Variants in ROBO1 observed in about 807,000 individuals in gnomAD.
The protein encoded by ROBO1 is roundabout homolog 1.
In ROBO1, 149 loss-of-function variants were observed where a neutral mutation model predicts 195.9. The observed-to-expected ratio is 0.76, with a 90% CI of 0.67 to 0.87. ROBO1 has a LOEUF of 0.87. ROBO1 is among the 40% of genes least tolerant of loss of function. The probability of loss-of-function intolerance (pLI) is 0.00; values close to 1 mark genes in which losing one functional copy is unlikely to be tolerated. For synonymous variants in ROBO1, 816 were observed against 733.2 expected (o/e 1.11, Z -1.82); for missense variants, 1,933 against 2,068.3 (o/e 0.93, Z 1.27).
intron 2 of ROBO1, among the ~76,000 whole-genome samples, chr3:79,165,402 C>A (rs994807477): frequency 1.3e-5 from 2 of 152,178 alleles, no homozygotes; most frequent in African/African-American, 4.8e-5. Flanking sequence ...GAATAATTTA[C>A]CTGTTTGAGA....
At chr3:79,756,542 C>A (rs1372853288) in intron 1 of ROBO1, among the ~76,000 whole-genome samples, 1 of 93,294 alleles carries the variant, frequency 1.1e-5, no homozygotes, top group Non-Finnish European at 2.0e-5. Flanking sequence ...ATGAGCGAAG[C>A]ACCATCTCAA....
chr3:78,957,864 ATT>A (rs1490999989), intron 3 of ROBO1, among the ~76,000 whole-genome samples: 1 of 152,168 alleles, frequency 6.6e-6, no homozygotes, highest in Admixed American at 6.5e-5. Context: ...ACATTTGATT[ATT>A]TTTAAGCATG....
At chr3:79,307,177 C>T (rs2033260778) in intron 2 of ROBO1, among the ~76,000 whole-genome samples, 1 of 151,998 alleles carries the variant, frequency 6.6e-6, no homozygotes, top group Non-Finnish European at 1.5e-5. Flanking sequence ...ATTGATCAGC[C>T]AGTGTTATCT....
rs533885520 is a variant in ROBO1 at position 79,688,005 on chromosome 3, T to C, written c.-51+79747A>G. 4.0e-5 allele frequency among the ~76,000 whole-genome samples: 6 copies of C among 151,804 alleles called. No homozygotes were observed. The South Asian group carries it at 8.3e-4, about 21-fold the overall frequency. ...ACAATGATAGACTGGATTAAGAAAATGTGGCACATATACACCATGGAATCT... is the reference window on the plus strand; with the variant it reads ...ACAATGATAGACTGGATTAAGAAAACGTGGCACATATACACCATGGAATCT... On this transcript the variant is annotated intron_variant, in intron 1 of 30. Transcript: ENST00000464233.
At chr3:79,476,801 C>G (rs937216013) in intron 2 of ROBO1, among the ~76,000 whole-genome samples, 12 of 151,966 alleles carry the variant, frequency 7.9e-5, no homozygotes, top group Non-Finnish European at 1.6e-4. Flanking sequence ...AGACTACACA[C>G]TGGGTAAGGG....
chr3:79,199,908 T>C (rs1200103247), intron 2 of ROBO1, among the ~76,000 whole-genome samples: 2 of 151,860 alleles, frequency 1.3e-5, no homozygotes, highest in African/African-American at 4.8e-5. Context: ...CAATATTTTC[T>C]ACATTTCTTT....
At chr3:79,751,883 T>G (rs1704143560) in intron 1 of ROBO1, among the ~76,000 whole-genome samples, 1 of 152,134 alleles carries the variant, frequency 6.6e-6, no homozygotes, top group Non-Finnish European at 1.5e-5. Context: ...TTAAATAGAG[T>G]TGCCAGAATG....
At chr3:79,237,592 GA>G (rs1257077952) in intron 2 of ROBO1, among the ~76,000 whole-genome samples, 1 of 152,096 alleles carries the variant, frequency 6.6e-6, no homozygotes, top group Non-Finnish European at 1.5e-5. Context: ...TGCATGATGA[GA>G]ATGACCTGTG....
intron 4 of ROBO1, among the ~76,000 whole-genome samples, chr3:78,866,346 A>T (rs541115600): frequency 6.6e-6 from 1 of 152,218 alleles, no homozygotes; most frequent in South Asian, 2.1e-4. Flanking sequence ...AGCATTTCCC[A>T]TGGGTGTCCC....
intron 2 of ROBO1, among the ~76,000 whole-genome samples, chr3:79,278,261 T>C (rs1211470879): frequency 1.3e-5 from 2 of 152,162 alleles, no homozygotes; most frequent in African/African-American, 4.8e-5. Context: ...ACAGATTCAA[T>C]GTAATCTCTA....
intron 5 of ROBO1, among the ~76,000 whole-genome samples, chr3:78,731,041 C>T (rs952841906): frequency 6.6e-6 from 1 of 152,038 alleles, no homozygotes; most frequent in Non-Finnish European, 1.5e-5. Context: ...AAAATAAACT[C>T]ATCCTGACCA....
intron 2 of ROBO1, among the ~76,000 whole-genome samples, chr3:79,233,949 A>AC (rs2082362497): frequency 6.7e-6 from 1 of 150,052 alleles, no homozygotes; most frequent in East Asian, 2.0e-4. Context: ...GACGTCCGGC[A>AC]TTTTTTTTTC....
At chr3:79,252,042 C>T (rs557283736) in intron 2 of ROBO1, among the ~76,000 whole-genome samples, 2 of 151,618 alleles carry the variant, frequency 1.3e-5, no homozygotes, top group Non-Finnish European at 2.9e-5. Flanking sequence ...AAAGAACAAC[C>T]AATATGTTGT....
chr3:78,891,655 A>G (rs375480646), intron 4 of ROBO1, among the ~76,000 whole-genome samples: 1 of 152,234 alleles, frequency 6.6e-6, no homozygotes, highest in Non-Finnish European at 1.5e-5. Context: ...TGTTAGCAAC[A>G]TATTCATAAT....
intron 1 of ROBO1, among the ~76,000 whole-genome samples, chr3:79,709,525 G>T (rs1702191091): frequency 1.3e-5 from 2 of 151,952 alleles, no homozygotes; most frequent in Non-Finnish European, 2.9e-5. Context: ...CAGAAAAAAG[G>T]TTTTCAATAT....
chr3:79,683,528 C>G (rs1045450974), intron 1 of ROBO1, among the ~76,000 whole-genome samples: 2 of 152,060 alleles, frequency 1.3e-5, no homozygotes, highest in African/African-American at 4.8e-5. Context: ...TAACCATCAC[C>G]TTGATCTACT....
intron 2 of ROBO1, among the ~76,000 whole-genome samples, chr3:79,269,805 C>T (rs928910967): frequency 7.2e-5 from 11 of 151,830 alleles, no homozygotes; most frequent in African/African-American, 2.6e-4. Context: ...ATTAAAACAA[C>T]TCCCATCAAC....
At chr3:78,654,109 A>G (rs1426973208) in intron 18 of ROBO1, among the ~76,000 whole-genome samples, 1 of 152,232 alleles carries the variant, frequency 6.6e-6, no homozygotes, top group Non-Finnish European at 1.5e-5. Context: ...TTTTTTATGG[A>G]TTCTTCTTTC....
intron 3 of ROBO1, among the ~76,000 whole-genome samples, chr3:79,102,515 T>A (rs1251176375): frequency 6.6e-6 from 1 of 151,872 alleles, no homozygotes; most frequent in Non-Finnish European, 1.5e-5. Flanking sequence ...AATCACTAGA[T>A]ATCCAAAACT....
Sources: allele counts gnomAD v4.1 joint callset (sites outside exome capture counted in the v4.1 genomes callset), GRCh38; gene constraint gnomAD v4.1.1; transcripts MANE v1.5; gene names NCBI Gene and HGNC (gene_info 2026-07-23, HGNC 2026-07-21).